EPB41L5: variants seen among roughly 807,000 people sequenced by gnomAD.
EPB41L5 encodes band 4.1-like protein 5.
In EPB41L5, 55 loss-of-function variants were observed where a neutral mutation model predicts 106.6. That is an observed-to-expected ratio of 0.52 (90% CI 0.42 to 0.65). The LOEUF is 0.65. EPB41L5 is among the 30% of genes least tolerant of loss of function. The pLI, the probability that EPB41L5 is intolerant of heterozygous loss-of-function variation, is 0.00. For missense variants in EPB41L5, 871 were observed against 882.1 expected, an observed-to-expected ratio of 0.99 and a Z score of 0.16; for synonymous variants, 297 against 306.7, an observed-to-expected ratio of 0.97 and a Z score of 0.33.
chr2:120,127,286 A>G (rs1685495459), intron 16 of EPB41L5, among the ~76,000 whole-genome samples: 1 of 152,140 alleles, frequency 6.6e-6, no homozygotes, highest in South Asian at 2.1e-4. Flanking sequence ...TGAGATAAAA[A>G]CTTTTCCATG....
At chr2:120,147,903 G>C (rs982677891) in intron 20 of EPB41L5, among the ~76,000 whole-genome samples, 3 of 151,994 alleles carry the variant, frequency 2.0e-5, no homozygotes, top group African/African-American at 7.3e-5. Flanking sequence ...TGCATCCTTT[G>C]AAATATACTA....
In EPB41L5 at chr2:120,178,941, T is replaced by A. The variant is rs1329231196; in HGVS notation, c.*4034T>A. Reference sequence around the variant, plus strand: ...AACTATTTTGTGTTTACCTTTTATATGTGTAAAACTTTGCAGTAGCATTTA... The same window carrying A: ...AACTATTTTGTGTTTACCTTTTATAAGTGTAAAACTTTGCAGTAGCATTTA... On this transcript the variant is annotated 3_prime_UTR_variant, in exon 25 of 25. Coordinates refer to ENST00000263713, the MANE Select transcript of EPB41L5 (RefSeq NM_020909.4). 1 of 152,244 alleles carries A rather than the reference T, an allele frequency of 6.6e-6. No individual in the cohort carries two copies. The highest frequency in any genetic ancestry group is 1.5e-5 in the Non-Finnish European group (1 of 68,044). 9.4% of individuals were successfully genotyped at this position (152,244 alleles called of 1,614,324 possible).
chr2:120,071,511 C>G (rs1252946162), intron 3 of EPB41L5, among the ~76,000 whole-genome samples: 4 of 152,180 alleles, frequency 2.6e-5, no homozygotes, highest in Non-Finnish European at 5.9e-5. Context: ...AGGCATCACG[C>G]TACCTGACTT....
At chr2:120,061,165 C>G (rs1191650213) in intron 3 of EPB41L5, among the ~76,000 whole-genome samples, 1 of 148,644 alleles carries the variant, frequency 6.7e-6, no homozygotes, top group East Asian at 2.0e-4. Flanking sequence ...CTCAGCCCCT[C>G]GAGTAGCCAG....
At chr2:120,150,418 C>A (rs1426601977) in intron 20 of EPB41L5, among the ~76,000 whole-genome samples, 3 of 152,050 alleles carry the variant, frequency 2.0e-5, no homozygotes, top group Admixed American at 2.0e-4. Context: ...AACTCCTGGG[C>A]TTAAGTGATC....
chr2:120,138,189 A>C (rs1251312984), intron 18 of EPB41L5, among the ~76,000 whole-genome samples: 1 of 152,082 alleles, frequency 6.6e-6, no homozygotes, highest in Non-Finnish European at 1.5e-5. Flanking sequence ...AACTAAAAAA[A>C]CTGGGTATAG....
intron 20 of EPB41L5, among the ~76,000 whole-genome samples, chr2:120,147,816 A>G (rs1686477532): frequency 6.6e-6 from 1 of 152,170 alleles, no homozygotes; most frequent in African/African-American, 2.4e-5. Context: ...GAAAGAGCCT[A>G]GAGCATACAT....
intron 2 of EPB41L5, among the ~76,000 whole-genome samples, chr2:120,020,465 C>A (rs891030128): frequency 6.6e-6 from 1 of 152,142 alleles, no homozygotes; most frequent in Non-Finnish European, 1.5e-5. Context: ...GTTTTGAAGT[C>A]ATCATTACGT....
intron 14 of EPB41L5, among the ~76,000 whole-genome samples, chr2:120,098,183 T>TGTGTGTGTGTGTGC (rs1328843872): frequency 6.6e-6 from 1 of 151,522 alleles, no homozygotes; most frequent in East Asian, 1.9e-4. Flanking sequence ...TGTGTGTGTG[T>TGTGTGTGTGTGTGC]GTGTGTTTTG....
intron 2 of EPB41L5, among the ~76,000 whole-genome samples, chr2:120,037,366 A>G (rs1049474103): frequency 6.6e-6 from 1 of 152,240 alleles, no homozygotes; most frequent in Non-Finnish European, 1.5e-5. Flanking sequence ...TGCAATTCCT[A>G]TCAAAATCCA....
chr2:120,049,920 T>C (rs963993825), intron 3 of EPB41L5, among the ~76,000 whole-genome samples: 3 of 152,198 alleles, frequency 2.0e-5, no homozygotes, highest in African/African-American at 7.2e-5. Context: ...CCTTCACTTA[T>C]GAAGCTTAGT....
chr2:120,074,408 A>G (rs1040370999), intron 5 of EPB41L5: 1 of 394,822 alleles, frequency 2.5e-6, no homozygotes, highest in African/African-American at 2.1e-5. Flanking sequence ...AAAGGTGACT[A>G]GTGAGTTCTT....
At chr2:120,174,110 A>G (rs1244781030) in intron 24 of EPB41L5, among the ~76,000 whole-genome samples, 2 of 152,204 alleles carry the variant, frequency 1.3e-5, no homozygotes, top group African/African-American at 4.8e-5. Flanking sequence ...ACACGGCTCT[A>G]ACAAAATAGA....
chr2:120,025,410 T>G (rs1192892064), intron 2 of EPB41L5, among the ~76,000 whole-genome samples: 1 of 152,178 alleles, frequency 6.6e-6, no homozygotes, highest in Admixed American at 6.6e-5. Context: ...TGGTAAATGT[T>G]CCTCCATCCC....
chr2:120,075,462 T>C lies in EPB41L5; in HGVS notation c.408-14T>C. On this transcript the variant is annotated splice_polypyrimidine_tract_variant and intron_variant, in intron 5 of 24. Coordinates refer to ENST00000263713, the MANE Select transcript of EPB41L5 (RefSeq NM_020909.4). ...GTGCTGTTGGGTTAAATTTGTGCCT[T>C]TCATTTTTCTTAGGTATTTATTTGT... 6.4e-7 allele frequency: 1 copy of C among 1,569,346 alleles called. No homozygotes were observed. Among genetic ancestry groups the C allele is most frequent in the Non-Finnish European group, 8.8e-7 (1 of 1,141,590 alleles).
At chr2:120,055,667 C>A (rs999907143) in intron 3 of EPB41L5, among the ~76,000 whole-genome samples, 3 of 151,678 alleles carry the variant, frequency 2.0e-5, no homozygotes, top group African/African-American at 4.8e-5. Context: ...ATAGAAGTCT[C>A]ACTTCCTTGG....
chr2:120,013,240 A>G (rs1016979278), intron 1 of EPB41L5, 30 bp downstream of exon 1: 4 of 152,220 alleles, frequency 2.6e-5, no homozygotes, highest in African/African-American at 9.7e-5. Context: ...GCGGCGCCGC[A>G]GTACAGTCCG....
intron 17 of EPB41L5, among the ~76,000 whole-genome samples, chr2:120,130,133 G>C (rs1031969144): frequency 8.3e-6 from 1 of 121,162 alleles, no homozygotes; most frequent in Non-Finnish European, 1.7e-5. Context: ...GCAAGAGTGA[G>C]ACTCCATCTC....
rs1381719047 is a variant in EPB41L5, at chr2:120,164,928, T to C, written c.1962+18T>C. On this transcript the variant is annotated intron_variant, in intron 22 of 24. Coordinates refer to ENST00000263713, the MANE Select transcript of EPB41L5 (RefSeq NM_020909.4). ...CACCTCAGGTAAATATGCTTTAAAA[T>C]AGTATGATGGAAAGAAATTTCTGTT... 6.4e-7 allele frequency: 1 copy of C among 1,556,658 alleles called. No homozygotes were observed. Among genetic ancestry groups the C allele is most frequent in the Non-Finnish European group, 8.7e-7 (1 of 1,144,104 alleles).
Sources: allele counts gnomAD v4.1 joint callset (sites outside exome capture counted in the v4.1 genomes callset), GRCh38; gene constraint gnomAD v4.1.1; transcripts MANE v1.5; gene names NCBI Gene and HGNC (gene_info 2026-07-23, HGNC 2026-07-21).